VPS37A: variants seen among roughly 807,000 people sequenced by gnomAD.
VPS37A encodes the protein VPS37A subunit of ESCRT-I.
A neutral mutation model predicts 49.8 loss-of-function variants in VPS37A; 30 were observed. That is an observed-to-expected ratio of 0.60 (90% CI 0.45 to 0.82). VPS37A has a LOEUF of 0.82. Among genes scored for constraint, VPS37A ranks in the 40% least tolerant of loss-of-function variants. The pLI is 0.00. For missense variants in VPS37A, 593 were observed against 464.4 expected (o/e 1.28, Z -2.55); for synonymous variants, 195 against 160.6 (o/e 1.21, Z -1.62).
At chr8:17,302,526 T>A (rs1039490749), downstream of VPS37A, 1 of 359,570 alleles carries the variant, frequency 2.8e-6, no homozygotes. Context: ...TAGCACAGAA[T>A]ACATTTTTCT....
chr8:17,327,473 G>C, the VPS37A span, among the ~76,000 whole-genome samples: 1 of 152,004 alleles, frequency 6.6e-6, no homozygotes, highest in Non-Finnish European at 1.5e-5. Flanking sequence ...TAGAGACAGG[G>C]TCTCACTGTG....
intron 10 of VPS37A, among the ~76,000 whole-genome samples, chr8:17,285,101 C>T (rs1029089220): frequency 1.4e-4 from 21 of 151,974 alleles, no homozygotes; most frequent in African/African-American, 3.9e-4. Context: ...TTAGCATACT[C>T]ATGAGTGAAA....
chr8:17,276,540 T>G (rs561585910), intron 6 of VPS37A, 73 bp downstream of exon 6: 2 of 1,397,356 alleles, frequency 1.4e-6, no homozygotes, highest in African/African-American at 2.9e-5. Context: ...TTATTTCATA[T>G]CCATATAAAT....
downstream of VPS37A, among the ~76,000 whole-genome samples, chr8:17,304,876 C>A (rs910440794): frequency 6.6e-6 from 1 of 152,002 alleles, no homozygotes; most frequent in African/African-American, 2.4e-5. Context: ...TTAATCCTCA[C>A]TGAGTTGCTG....
intron 9 of VPS37A, among the ~76,000 whole-genome samples, chr8:17,283,735 T>A (rs1284739016): frequency 6.6e-6 from 1 of 152,236 alleles, no homozygotes; most frequent in Non-Finnish European, 1.5e-5. Flanking sequence ...ACCACAGTTT[T>A]GATTACTGTA....
At chr8:17,326,295 A>G in the VPS37A span, 1 of 152,192 alleles carries the variant, frequency 6.6e-6, no homozygotes, top group Admixed American at 6.5e-5. Context: ...TCATCCGTAA[A>G]ATGAAGATAA....
At chr8:17,285,923 G>C (rs549588939) in intron 10 of VPS37A, among the ~76,000 whole-genome samples, 37 of 151,884 alleles carry the variant, frequency 2.4e-4, no homozygotes, top group Admixed American at 9.2e-4. Context: ...TTGTTTTTTT[G>C]GTTGTTAAAT....
In VPS37A at chr8:17,247,202, G is replaced by A. The variant is rs200562792; in HGVS notation, c.-43G>A. 3.2e-6 allele frequency: 5 copies of A among 1,557,634 alleles called. No individual in the cohort carries two copies. The African/African-American group carries it at 6.8e-5, about 21-fold the overall frequency. ...CCGGGCCGAGCCACTGGGAGAAGCAGGCCAGAGCCTTCCAGGGCCTCCGGC... is the reference window on the plus strand; with the variant it reads ...CCGGGCCGAGCCACTGGGAGAAGCAAGCCAGAGCCTTCCAGGGCCTCCGGC... On this transcript the variant is annotated 5_prime_UTR_variant, in exon 1 of 12. Coordinates refer to ENST00000324849, the MANE Select transcript of VPS37A (RefSeq NM_152415.3).
rs947868057 is a variant in VPS37A, at chr8:17,280,167, C to G, written c.841+12C>G. Reference sequence around the variant, plus strand: ...TGAGGAACTAGCAAGTATGTTTTCCCTCTCCTGAGCGCACATTTCCTGAAA... The same window carrying G: ...TGAGGAACTAGCAAGTATGTTTTCCGTCTCCTGAGCGCACATTTCCTGAAA... On this transcript the variant is annotated intron_variant, in intron 7 of 11. Transcript: ENST00000324849. 6.2e-7 allele frequency: 1 copy of G among 1,611,352 alleles called. No homozygotes were observed. Among genetic ancestry groups the G allele is most frequent in the Non-Finnish European group, 8.5e-7 (1 of 1,178,850 alleles).
chr8:17,292,547 C>CATAGG (rs2150430937), intron 11 of VPS37A, among the ~76,000 whole-genome samples: 2 of 152,302 alleles, frequency 1.3e-5, no homozygotes, highest in South Asian at 4.1e-4. Context: ...GCAGTTTCTT[C>CATAGG]ATAGTATCAA....
At chr8:17,249,596 A>G (rs958457700) in intron 1 of VPS37A, among the ~76,000 whole-genome samples, 1 of 152,210 alleles carries the variant, frequency 6.6e-6, no homozygotes. Flanking sequence ...ACAATCCTGG[A>G]AAATGCCACT....
At chr8:17,314,820 G>C in the VPS37A span, among the ~76,000 whole-genome samples, 1 of 152,194 alleles carries the variant, frequency 6.6e-6, no homozygotes, top group South Asian at 2.1e-4. Context: ...TCGGTGAAGG[G>C]ACAGCCCTTT....
the VPS37A span, among the ~76,000 whole-genome samples, chr8:17,315,404 A>G: frequency 5.1e-5 from 3 of 58,322 alleles, no homozygotes; most frequent in Admixed American, 1.5e-4. Context: ...CAGTGGTTAC[A>G]TTTATTAAAC....
downstream of VPS37A, chr8:17,302,391 C>G (rs1439022412): frequency 2.4e-6 from 3 of 1,244,096 alleles, no homozygotes; most frequent in African/African-American, 3.1e-5. Context: ...TAACCAAATG[C>G]AAATTTCAGC....
the VPS37A span, among the ~76,000 whole-genome samples, chr8:17,316,632 CA>C: frequency 6.6e-6 from 1 of 151,828 alleles, no homozygotes; most frequent in South Asian, 2.1e-4. Flanking sequence ...CAACCAACCA[CA>C]GAGCACAAAT....
chr8:17,300,465 T>A (rs373513639), downstream of VPS37A, among the ~76,000 whole-genome samples: 1 of 152,142 alleles, frequency 6.6e-6, no homozygotes. Context: ...ATAAACAATA[T>A]AGCACAGTTG....
chr8:17,276,970 T>G (rs1814572587), intron 6 of VPS37A, among the ~76,000 whole-genome samples: 1 of 152,096 alleles, frequency 6.6e-6, no homozygotes, highest in Admixed American at 6.5e-5. Context: ...CTCTAAAATG[T>G]TTCATGAAGA....
the VPS37A span, among the ~76,000 whole-genome samples, chr8:17,307,621 G>C: frequency 5.7e-4 from 87 of 152,256 alleles, no homozygotes; most frequent in African/African-American, 1.9e-3. Flanking sequence ...CAATAGCAAA[G>C]ACTTGGAACC....
At chr8:17,260,431 A>G (rs977703236) in intron 1 of VPS37A, among the ~76,000 whole-genome samples, 1 of 152,032 alleles carries the variant, frequency 6.6e-6, no homozygotes, top group African/African-American at 2.4e-5. Flanking sequence ...GGTTGTAGCT[A>G]TTGTTGTTTT....
Sources: gnomAD v4.1 joint callset for allele counts (sites outside exome capture counted in the v4.1 genomes callset) on GRCh38, gnomAD v4.1.1 for gene constraint, MANE v1.5 for transcripts, NCBI Gene and HGNC (gene_info 2026-07-23, HGNC 2026-07-21) for gene names.